SIAE: variants seen among roughly 807,000 people sequenced by gnomAD.
SIAE encodes sialic acid acetylesterase.
SIAE carries 39 observed loss-of-function variants against 52.6 expected under a neutral mutation model. The observed-to-expected ratio is 0.74, with a 90% confidence interval of 0.57 to 0.97. The LOEUF (loss-of-function observed/expected upper bound fraction) is 0.97. SIAE is among the 50% of genes least tolerant of loss of function. The probability of loss-of-function intolerance (pLI) is 0.00; values close to 1 mark genes in which losing one functional copy is unlikely to be tolerated. For synonymous variants in SIAE, 233 were observed against 241.4 expected (o/e 0.97, Z 0.32); for missense variants, 592 against 662.1 (o/e 0.89, Z 1.16).
intron 4 of SIAE, among the ~76,000 whole-genome samples, chr11:124,651,210 G>C (rs1055744568): frequency 6.6e-6 from 1 of 152,154 alleles, no homozygotes; most frequent in African/African-American, 2.4e-5. Flanking sequence ...AAGCAATATA[G>C]AGACACATGG....
chr11:124,654,823 C>A, intron 3 of SIAE, 30 bp from the exon 4 acceptor site: 1 of 1,612,154 alleles, frequency 6.2e-7, no homozygotes, highest in South Asian at 1.1e-5. Flanking sequence ...GTCATTTAAC[C>A]TAGCAGGTGG....
At chr11:124,660,453 C>T (rs1357189654) in intron 3 of SIAE, 175 bp downstream of exon 3, 1 of 711,304 alleles carries the variant, frequency 1.4e-6, no homozygotes, top group East Asian at 2.8e-5. Context: ...TAGCTTATCT[C>T]TTAAGATTGT....
Position 124,636,899 on chromosome 11 carries a change from T to C in SIAE, c.*52A>G. 2.5e-6 allele frequency: 4 copies of C among 1,613,060 alleles called. No individual in the cohort carries two copies. In the African/African-American group the frequency reaches 5.3e-5, roughly 21 times the overall value. ...GGTTATTATTGAAACTCCTAAATGC[T>C]AAAATCTGAAGGACCCATCCTTATA... is the stretch of plus-strand genomic sequence containing the variant. On this transcript the variant is annotated 3_prime_UTR_variant, in exon 10 of 10. Coordinates refer to ENST00000263593, the MANE Select transcript of SIAE (RefSeq NM_170601.5).
At chr11:124,651,421 A>T (rs1213005518) in intron 4 of SIAE, among the ~76,000 whole-genome samples, 1 of 151,892 alleles carries the variant, frequency 6.6e-6, no homozygotes, top group African/African-American at 2.4e-5. Flanking sequence ...GGTGGCGCAC[A>T]CCTTTAATCC....
chr11:124,667,706 A>G (rs1453433206), intron 2 of SIAE, among the ~76,000 whole-genome samples: 1 of 152,102 alleles, frequency 6.6e-6, no homozygotes, highest in African/African-American at 2.4e-5. Flanking sequence ...TCGCACCTCC[A>G]CATCACACAG....
intron 7 of SIAE, among the ~76,000 whole-genome samples, chr11:124,640,295 G>A (rs1942824549): frequency 2.0e-5 from 3 of 152,132 alleles, no homozygotes; most frequent in African/African-American, 4.8e-5. Context: ...GAGGGGCCTT[G>A]GAAATTGAAA....
intron 7 of SIAE, among the ~76,000 whole-genome samples, chr11:124,640,538 C>A (rs1456749659): frequency 6.6e-6 from 1 of 152,088 alleles, no homozygotes; most frequent in African/African-American, 2.4e-5. Context: ...TGTTACAAAG[C>A]AATAGATAAC....
intron 9 of SIAE, 79 bp downstream of exon 9, chr11:124,638,463 A>G (rs775724699): frequency 6.7e-6 from 10 of 1,490,052 alleles, no homozygotes; most frequent in Non-Finnish European, 9.3e-6. Context: ...CGTAATAACA[A>G]AAGAGATGGC....
At chr11:124,643,472 C>A (rs1343837333) in intron 7 of SIAE, among the ~76,000 whole-genome samples, 1 of 152,086 alleles carries the variant, frequency 6.6e-6, no homozygotes, top group Non-Finnish European at 1.5e-5. Context: ...AGTTAGGAGG[C>A]AATAATACAA....
chr11:124,640,529 G>A (rs1942827973), intron 7 of SIAE, among the ~76,000 whole-genome samples: 1 of 152,154 alleles, frequency 6.6e-6, no homozygotes, highest in East Asian at 1.9e-4. Flanking sequence ...GGGGTAGCTT[G>A]TTACAAAGCA....
At chr11:124,665,651 T>C (rs1301983170) in intron 2 of SIAE, among the ~76,000 whole-genome samples, 1 of 152,098 alleles carries the variant, frequency 6.6e-6, no homozygotes, top group Non-Finnish European at 1.5e-5. Flanking sequence ...TTATGTAGCA[T>C]AGAAAACTAG....
rs1279124378 is a variant in SIAE at position 124,636,943 on chromosome 11, T to C, written c.*8A>G. On this transcript the variant is annotated 3_prime_UTR_variant, in exon 10 of 10. Coordinates refer to ENST00000263593, the MANE Select transcript of SIAE (RefSeq NM_170601.5). The stretch of plus-strand genomic sequence containing the variant: ...CCTTATATCTAAGTTCTGATCATAC[T>C]GAAACAGTCATTTAGCAACATTGCT... The C allele has an allele frequency of 1.2e-6, 2 of 1,614,226 alleles. No individual in the cohort carries two copies. Among genetic ancestry groups the C allele is most frequent in the Admixed American group, 1.7e-5 (1 of 60,028 alleles).
rs755687062 is a variant in SIAE at position 124,660,848 on chromosome 11, G to C, written c.230-45C>G. 5 of 1,604,282 alleles carry C rather than the reference G, an allele frequency of 3.1e-6. No individual in the cohort carries two copies. The African/African-American group carries it at 6.7e-5, about 21-fold the overall frequency. ...CCAAGGAATTAATCAATCAATTAAA[G>C]TGAAATCAAAGCCCAATTATACTCA... On this transcript the variant is annotated intron_variant, in intron 2 of 9. Coordinates refer to ENST00000263593, the MANE Select transcript of SIAE (RefSeq NM_170601.5).
chr11:124,656,783 C>T (rs775685320), intron 3 of SIAE, among the ~76,000 whole-genome samples: 5 of 152,158 alleles, frequency 3.3e-5, no homozygotes, highest in African/African-American at 4.8e-5. Context: ...AAAGGGCCAA[C>T]GGGAGCATCA....
In SIAE at chr11:124,634,511, G is replaced by A. The variant is rs1414723640; in HGVS notation, c.*2440C>T. 6.6e-6 allele frequency: 1 copy of A among 152,084 alleles called. No individual in the cohort carries two copies. Among genetic ancestry groups the A allele is most frequent in the South Asian group, 2.1e-4 (1 of 4,824 alleles). 9.4% of individuals were successfully genotyped at this position (152,084 alleles called of 1,614,324 possible). Reference sequence around the variant, plus strand: ...GTAAGTTGTTTAATCCTTTGGGAGGGTTAAGCTGTAGATATCTAAATTTTA... The same window carrying A: ...GTAAGTTGTTTAATCCTTTGGGAGGATTAAGCTGTAGATATCTAAATTTTA... On this transcript the variant is annotated 3_prime_UTR_variant, in exon 10 of 10. Coordinates refer to ENST00000263593, the MANE Select transcript of SIAE (RefSeq NM_170601.5).
At chr11:124,658,415 GTACCAGCCCTTCTCTTCT>G (rs1943132955) in intron 3 of SIAE, among the ~76,000 whole-genome samples, 1 of 151,704 alleles carries the variant, frequency 6.6e-6, no homozygotes, top group African/African-American at 2.4e-5. Flanking sequence ...TTGGAATGTG[GTACCAGCCCTTCTCTTCT>G]GGATCTTAAT....
upstream of SIAE, chr11:124,676,078 C>T (rs988047725): frequency 2.0e-5 from 3 of 152,162 alleles, no homozygotes; most frequent in Non-Finnish European, 4.4e-5. Flanking sequence ...TTCCTTCACT[C>T]CTATAAATAA....
intron 4 of SIAE, among the ~76,000 whole-genome samples, chr11:124,651,043 A>C (rs1370795591): frequency 1.3e-5 from 2 of 152,214 alleles, no homozygotes; most frequent in Non-Finnish European, 2.9e-5. Flanking sequence ...GGATCAGTTC[A>C]GCCCAAGGTT....
At chr11:124,641,758 A>G (rs1263172417) in intron 7 of SIAE, among the ~76,000 whole-genome samples, 3 of 152,168 alleles carry the variant, frequency 2.0e-5, no homozygotes, top group Non-Finnish European at 4.4e-5. Context: ...CAGGAGTTCA[A>G]GACCAGCCTG....
Sources: gnomAD v4.1 joint callset for allele counts (sites outside exome capture counted in the v4.1 genomes callset) on GRCh38, gnomAD v4.1.1 for gene constraint, MANE v1.5 for transcripts, NCBI Gene and HGNC (gene_info 2026-07-23, HGNC 2026-07-21) for gene names.